CARS1: variants seen among roughly 807,000 people sequenced by gnomAD.
CARS1 encodes cysteine--tRNA ligase, cytoplasmic.
Under a neutral mutation model 106.2 loss-of-function variants are expected in CARS1, and 48 were observed. The observed-to-expected ratio is 0.45, with a 90% CI of 0.36 to 0.57. The LOEUF is 0.57. Ranked by LOEUF, CARS1 falls within the 20% of genes least tolerant of loss-of-function variation. The pLI, the probability that CARS1 is intolerant of heterozygous loss-of-function variation, is 0.00. For synonymous variants in CARS1, 409 were observed against 403.4 expected (o/e 1.01, Z -0.17); for missense variants, 968 against 1,057.2 (o/e 0.92, Z 1.17).
chr11:3,047,835 G>A lies in CARS1; in HGVS notation c.192C>T (p.Phe64=), dbSNP rs1314588781. Residue 64 remains phenylalanine, a synonymous_variant, in exon 2 of 23, where the codon TTC becomes TTT. Coordinates refer to ENST00000380525, the MANE Select transcript of CARS1 (RefSeq NM_001014437.3). ...TGTGCCTGAACCACCGAGCCACGTG[G>A]AAGAGCTGGGGGTCAGCGGGCGGGG... The part of the protein sequence containing the change: ...LSAPPADPQL[F]HVARWFRHIE... 6.2e-7 allele frequency: 1 copy of A among 1,614,164 alleles called. No homozygotes were observed. Among genetic ancestry groups the A allele is most frequent in the African/African-American group, 1.3e-5 (1 of 75,044 alleles).
rs370868721 is a variant in CARS1, at chr11:3,030,319, T to A, written c.802-876A>T. 8 of 152,376 alleles carry A rather than the reference T, an allele frequency of 5.3e-5. No homozygotes were observed. Among genetic ancestry groups the A allele is most frequent in the African/African-American group, 1.4e-4 (6 of 41,586 alleles). 9.4% of individuals were successfully genotyped at this position (152,376 alleles called of 1,614,324 possible). A position where few individuals can be genotyped will look rare whatever the true frequency, so the allele number is the denominator to read the frequency against. On this transcript the variant is annotated intron_variant, in intron 7 of 22. Transcript: ENST00000380525. The surrounding 1 kb of genome is among the most constrained non-coding windows in gnomAD (Gnocchi z 5.7). ...GGGCCCACGTGGGCCAGGTTCCTGA[T>A]GCAATCCCTGCCTACAGCTCCTGAA...
intron 7 of CARS1, among the ~76,000 whole-genome samples, chr11:3,036,341 C>A (rs560798427): frequency 6.6e-6 from 1 of 152,334 alleles, no homozygotes; most frequent in African/African-American, 2.4e-5. Flanking sequence ...ATATCCTACA[C>A]AACCCAGCGA....
rs1374432937 is a variant in CARS1, at chr11:3,028,470, G to A, written c.1031+526C>T. The stretch of plus-strand genomic sequence containing the variant: ...CCCTACACACTACAGACAGATAACC[G>A]GGTTCCTGTCTGCATTTCCATTTGT... On this transcript the variant is annotated intron_variant, in intron 9 of 22. Coordinates refer to ENST00000380525, the MANE Select transcript of CARS1 (RefSeq NM_001014437.3). The surrounding 1 kb of genome is among the most constrained non-coding windows in gnomAD (Gnocchi z 4.4). 7 of 205,958 alleles carry A rather than the reference G, an allele frequency of 3.4e-5. No homozygotes were observed. The highest frequency in any genetic ancestry group is 2.3e-4 in the Admixed American group (4 of 17,192). The allele number at this position is 205,958 out of a possible 1,614,324, so 12.8% of individuals were successfully genotyped here.
rs1193187689 is a variant in CARS1 at position 3,004,112 on chromosome 11, A to G, written c.2217+1254T>C. ...AGCACAGCACGGCAGGCGAGACCCAAGGCTAGGTGAGTGACTGTGATGGAA... is the reference window on the plus strand; with the variant it reads ...AGCACAGCACGGCAGGCGAGACCCAGGGCTAGGTGAGTGACTGTGATGGAA... On this transcript the variant is annotated intron_variant, in intron 20 of 22. Coordinates refer to ENST00000380525, the MANE Select transcript of CARS1 (RefSeq NM_001014437.3). This position sits in a 1 kb window ranked among gnomAD's most constrained non-coding sequence, Gnocchi z 5.2. Among the ~76,000 whole-genome samples the G allele has an allele frequency of 6.6e-6, 1 of 152,172 alleles. No individual in the cohort carries two copies. Among genetic ancestry groups the G allele is most frequent in the Admixed American group, 6.5e-5 (1 of 15,278 alleles).
intron 10 of CARS1, among the ~76,000 whole-genome samples, chr11:3,025,127 T>C (rs1380847187): frequency 6.6e-6 from 1 of 152,162 alleles, no homozygotes; most frequent in African/African-American, 2.4e-5. Flanking sequence ...AACCCGCCCC[T>C]CTACTCCCAC....
rs1044100100 is a variant in CARS1, at chr11:3,020,294, G to A, written c.1192C>T (p.Arg398Cys). 8.1e-6 allele frequency: 13 copies of A among 1,613,886 alleles called. No individual in the cohort carries two copies. The highest frequency in any genetic ancestry group is 1.1e-5 in the Non-Finnish European group (13 of 1,179,754). The change falls in exon 11 of 23, where the codon CGC becomes TGC. Residue 398 changes from arginine to cysteine, a missense_variant. Transcript: ENST00000380525. This position sits in a 1 kb window ranked among gnomAD's most constrained non-coding sequence, Gnocchi z 4.6. ...SISADRLSEKRSPNDFALWKA... is the reference protein window; with the variant it reads ...SISADRLSEKCSPNDFALWKA... ...CATAAGGCAAAGTCGTTGGGAGAGC[G>A]CTTCTCACTCAGGCGGTCTGCAGAG...
intron 1 of CARS1, among the ~76,000 whole-genome samples, chr11:3,054,145 C>T (rs535316788): frequency 2.6e-5 from 4 of 152,338 alleles, no homozygotes; most frequent in African/African-American, 7.2e-5. Context: ...AGCGCCTCCT[C>T]CCACAGGTGA....
In CARS1 at chr11:3,038,983, C is replaced by A. The variant is rs1854051704; in HGVS notation, c.651+211G>T. Reference sequence around the variant, plus strand: ...TGGCAGGAATGTCACCTACTCTCCACTCCACTCCAGTACATCTTTGCTGGT... The same window carrying A: ...TGGCAGGAATGTCACCTACTCTCCAATCCACTCCAGTACATCTTTGCTGGT... On this transcript the variant is annotated intron_variant, in intron 6 of 22. Coordinates refer to ENST00000380525, the MANE Select transcript of CARS1 (RefSeq NM_001014437.3). The surrounding 1 kb of genome is among the most constrained non-coding windows in gnomAD (Gnocchi z 4.0). 6.6e-6 allele frequency among the ~76,000 whole-genome samples: 1 copy of A among 152,214 alleles called. No homozygotes were observed. Among genetic ancestry groups the A allele is most frequent in the African/African-American group, 2.4e-5 (1 of 41,442 alleles).
rs758758300 is a variant in CARS1, at chr11:3,057,314, C to T, written c.25+29G>A. The T allele has an allele frequency of 8.7e-6, 14 of 1,602,364 alleles. No homozygotes were observed. The East Asian group carries it at 9.0e-5, about 10-fold the overall frequency. On this transcript the variant is annotated intron_variant, in intron 1 of 22. Coordinates refer to ENST00000380525, the MANE Select transcript of CARS1 (RefSeq NM_001014437.3). The stretch of plus-strand genomic sequence containing the variant: ...AGCGCCCAGTCAGGCCCCCAGCCGC[C>T]CTCAGCCTGGCCCGGCCGCGCCGCT...
chr11:3,041,506 C>A lies in CARS1; in HGVS notation c.367-522G>T, dbSNP rs1020003955. Reference sequence around the variant, plus strand: ...CGTGGTGCTGCTCTGGCACCACTCCCCAACATCCCAGCACCCTCAGACCTC... The same window carrying A: ...CGTGGTGCTGCTCTGGCACCACTCCACAACATCCCAGCACCCTCAGACCTC... On this transcript the variant is annotated intron_variant, in intron 3 of 22. Coordinates refer to ENST00000380525, the MANE Select transcript of CARS1 (RefSeq NM_001014437.3). The surrounding 1 kb of genome is among the most constrained non-coding windows in gnomAD (Gnocchi z 4.9). 7.9e-5 allele frequency among the ~76,000 whole-genome samples: 12 copies of A among 152,114 alleles called. No individual in the cohort carries two copies. Among genetic ancestry groups the A allele is most frequent in the African/African-American group, 2.7e-4 (11 of 41,428 alleles).
chr11:3,057,313 C>T (rs1488598905), intron 1 of CARS1, 30 bp downstream of exon 1: 6 of 1,601,138 alleles, frequency 3.7e-6, no homozygotes, highest in Admixed American at 1.7e-5. Flanking sequence ...CCCCCAGCCG[C>T]CCTCAGCCTG....
Position 3,041,026 on chromosome 11 carries a change from G to C in CARS1, c.367-42C>G. On this transcript the variant is annotated intron_variant, in intron 3 of 22. Transcript: ENST00000380525. This position sits in a 1 kb window ranked among gnomAD's most constrained non-coding sequence, Gnocchi z 4.9. ...GGAATGACGATCACAAGAAATGCAA[G>C]AAACACTGCACAGGATTACCAAAAA... 1 of 1,613,940 alleles carries C rather than the reference G, an allele frequency of 6.2e-7. No homozygotes were observed.
chr11:3,002,192 G>T, intron 21 of CARS1, 139 bp from the exon 22 acceptor site: 1 of 707,008 alleles, frequency 1.4e-6, no homozygotes, highest in Non-Finnish European at 2.5e-6. Context: ...AGATGGGAAG[G>T]GGAAAGCCAA....
At chr11:3,027,077 G>A (rs1427308614) in intron 9 of CARS1, 4 of 329,482 alleles carry the variant, frequency 1.2e-5, no homozygotes, top group South Asian at 9.9e-5. Flanking sequence ...CAGGGCTGCT[G>A]CCGTCCTCAT....
In CARS1 at chr11:3,019,240, A is replaced by G. The variant is rs755383360; in HGVS notation, c.1294T>C (p.Ser432Pro). The G allele has an allele frequency of 3.4e-6, 5 of 1,471,764 alleles. No homozygotes were observed. In the Admixed American group the frequency reaches 7.3e-5, roughly 22 times the overall value. The allele number at this position is 1,471,764 out of a possible 1,614,324, so 91.2% of individuals were successfully genotyped here. The change falls in exon 12 of 23, where the codon TCG becomes CCG. Residue 432 changes from serine to proline, a missense_variant. Physicochemically the swap from Ser to Pro is moderately conservative, Grantham distance 74. Transcript: ENST00000380525. The surrounding 1 kb of genome is among the most constrained non-coding windows in gnomAD (Gnocchi z 6.2). ...KGRPGWHIEC[S>P]AMAGTLLGAS... is the part of the protein sequence containing the mutation. ...CCTAGGAGGGTGCCTGCCATGGCCG[A>G]GCACTCGATATGCCAGCCCGGACGA...
intron 7 of CARS1, among the ~76,000 whole-genome samples, chr11:3,036,173 C>A (rs1853599294): frequency 6.6e-6 from 1 of 152,214 alleles, no homozygotes; most frequent in African/African-American, 2.4e-5. Flanking sequence ...CAGCAGCCTG[C>A]CCATGGATGA....
chr11:3,003,496 G>A lies in CARS1; in HGVS notation c.2218-896C>T, dbSNP rs1054062353. Among the ~76,000 whole-genome samples the A allele has an allele frequency of 2.0e-5, 3 of 152,160 alleles. No individual in the cohort carries two copies. Among genetic ancestry groups the A allele is most frequent in the Admixed American group, 6.5e-5 (1 of 15,280 alleles). On this transcript the variant is annotated intron_variant, in intron 20 of 22. Coordinates refer to ENST00000380525, the MANE Select transcript of CARS1 (RefSeq NM_001014437.3). The surrounding 1 kb of genome is among the most constrained non-coding windows in gnomAD (Gnocchi z 4.8). The stretch of plus-strand genomic sequence containing the variant: ...CTGGGCAAACTGTTTTTGGGCCACC[G>A]GCTACAAGATAGATGGTGGAGAAGC...
At chr11:3,049,805 T>C (rs1311858513) in intron 1 of CARS1, among the ~76,000 whole-genome samples, 2 of 152,248 alleles carry the variant, frequency 1.3e-5, no homozygotes, top group African/African-American at 4.8e-5. Context: ...TCTCCGTGTT[T>C]ACTCCTGGCA....
rs750728530 is a variant in CARS1, at chr11:3,026,724, G to C, written c.1105C>G (p.Leu369Val). The stretch of plus-strand genomic sequence containing the variant: ...TGATCTCCAACGGCCTCAGGCACCA[G>C]CTTCCCATAGGAGTGCTTCTCGCTA... ...ASSEKHSYGK[L>V]VPEAVGDQKA... The change falls in exon 10 of 23, where the codon CTG becomes GTG. Residue 369 changes from leucine (L) to valine (V), a missense_variant. Leu to Val is a conservative substitution (Grantham distance 32). Transcript: ENST00000380525. 8.1e-6 allele frequency: 13 copies of C among 1,613,988 alleles called. No homozygotes were observed. The highest frequency in any genetic ancestry group is 1.1e-5 in the Non-Finnish European group (13 of 1,179,946).
Sources: gnomAD v4.1 joint callset for allele counts (sites outside exome capture counted in the v4.1 genomes callset) on GRCh38, gnomAD v4.1.1 for gene constraint, Gnocchi (gnomAD v3.1) non-coding constraint, MANE v1.5 for transcripts, NCBI Gene and HGNC (gene_info 2026-07-23, HGNC 2026-07-21) for gene names.